ENPP2: variants seen among roughly 807,000 people sequenced by gnomAD.
The protein encoded by ENPP2 is autotaxin.
In ENPP2, 51 loss-of-function variants were observed where a neutral mutation model predicts 120.2. The observed-to-expected ratio is 0.42, with a 90% CI of 0.34 to 0.54. The LOEUF is 0.54. Among genes scored for constraint, ENPP2 ranks in the 20% least tolerant of loss-of-function variants. The pLI is 0.04. For synonymous variants in ENPP2, 365 were observed against 366.4 expected (o/e 1.00, Z 0.04); for missense variants, 920 against 1,066.5 (o/e 0.86, Z 1.91).
chr8:119,568,783 G>A (rs1056661091), intron 21 of ENPP2, among the ~76,000 whole-genome samples: 1 of 151,976 alleles, frequency 6.6e-6, no homozygotes, highest in Non-Finnish European at 1.5e-5. Flanking sequence ...AATTTTTTTA[G>A]AGACAAGGTC....
chr8:119,666,321 G>GC (rs1372773299), intron 1 of ENPP2, among the ~76,000 whole-genome samples: 1 of 151,728 alleles, frequency 6.6e-6, no homozygotes, highest in Non-Finnish European at 1.5e-5. Flanking sequence ...AAAGATTATT[G>GC]CTTCAAACAA....
chr8:119,581,388 C>T (rs1049375753), intron 18 of ENPP2, among the ~76,000 whole-genome samples: 7 of 152,032 alleles, frequency 4.6e-5, no homozygotes, highest in Non-Finnish European at 7.4e-5. Flanking sequence ...GGAGGCTGAC[C>T]TCTAGGGATG....
chr8:119,567,073 C>CT (rs1293487599), intron 22 of ENPP2, among the ~76,000 whole-genome samples: 1 of 152,216 alleles, frequency 6.6e-6, no homozygotes, highest in Non-Finnish European at 1.5e-5. Context: ...TTGAGACTCC[C>CT]TTTCAGCCCT....
chr8:119,657,798 G>A (rs535639548), intron 1 of ENPP2, among the ~76,000 whole-genome samples: 67 of 152,322 alleles, frequency 4.4e-4, no homozygotes, highest in African/African-American at 1.6e-3. Context: ...ATCCTATGGC[G>A]TGAAGGGGTC....
intron 22 of ENPP2, among the ~76,000 whole-genome samples, chr8:119,566,633 AC>A (rs1237345171): frequency 6.6e-6 from 1 of 151,884 alleles, no homozygotes; most frequent in Non-Finnish European, 1.5e-5. Flanking sequence ...TGAAAAAACC[AC>A]CCCCCTCGTG....
At chr8:119,586,964 G>A (rs1587399699) in intron 14 of ENPP2, 80 bp downstream of exon 14, 3 of 1,205,548 alleles carry the variant, frequency 2.5e-6, no homozygotes, top group East Asian at 4.7e-5. Flanking sequence ...TCCCCGCCGG[G>A]GGAGGCACAC....
upstream of ENPP2, among the ~76,000 whole-genome samples, chr8:119,642,040 A>C (rs1229861789): frequency 6.6e-6 from 1 of 152,174 alleles, no homozygotes; most frequent in African/African-American, 2.4e-5. Flanking sequence ...AACGCATAAT[A>C]TAGAGCTTTA....
At chr8:119,565,000 A>T (rs1814297070) in intron 22 of ENPP2, 45 bp from the exon 23 acceptor site, 1 of 1,580,108 alleles carries the variant, frequency 6.3e-7, no homozygotes, top group Admixed American at 1.7e-5. Context: ...CATGAAGAAA[A>T]CTCCTTACTC....
At position 119,568,202 on chromosome 8, in the gene ENPP2, T is replaced by C. The variant is rs1014740504; in HGVS notation, c.2104A>G (p.Met702Val). ...TTGAAAGCAGGATACATTGGAACCA[T>C]ATTGGTTACAAGGAATGCATCATAT... ...AKYDAFLVTNMVPMYPAFKRV... is the reference protein window; with the variant it reads ...AKYDAFLVTNVVPMYPAFKRV... Residue 702 changes from methionine (M) to valine (V), a missense_variant, in exon 22 of 25, where the codon ATG becomes GTG. Transcript: ENST00000075322. The C allele has an allele frequency of 6.3e-7, 1 of 1,592,124 alleles. No homozygotes were observed. The highest frequency in any genetic ancestry group is 8.6e-7 in the Non-Finnish European group (1 of 1,160,436).
intron 12 of ENPP2, 105 bp downstream of exon 12, chr8:119,593,647 G>T (rs888379479): frequency 2.7e-6 from 2 of 737,394 alleles, no homozygotes; most frequent in African/African-American, 3.5e-5. Flanking sequence ...GCGGGGATGA[G>T]GTTAAGAATG....
intron 9 of ENPP2, among the ~76,000 whole-genome samples, chr8:119,604,611 T>G (rs956221000): frequency 2.6e-5 from 4 of 151,324 alleles, no homozygotes; most frequent in African/African-American, 7.3e-5. Flanking sequence ...AAAGACTAAG[T>G]TAAGTATTTA....
intron 9 of ENPP2, among the ~76,000 whole-genome samples, chr8:119,607,297 A>G (rs1033742298): frequency 6.6e-6 from 1 of 152,236 alleles, no homozygotes; most frequent in Non-Finnish European, 1.5e-5. Context: ...TACATGTCCT[A>G]GATGGCAAGT....
At chr8:119,609,275 G>A (rs1389809430) in intron 8 of ENPP2, among the ~76,000 whole-genome samples, 1 of 152,134 alleles carries the variant, frequency 6.6e-6, no homozygotes, top group South Asian at 2.1e-4. Flanking sequence ...CAAACTAACA[G>A]CTACTGTAGC....
intron 3 of ENPP2, among the ~76,000 whole-genome samples, chr8:119,625,726 T>C (rs1816225200): frequency 6.6e-6 from 1 of 152,162 alleles, no homozygotes; most frequent in Admixed American, 6.6e-5. Context: ...TTACAAGATA[T>C]CTCAAAAATC....
chr8:119,565,658 C>G (rs1265060779), intron 22 of ENPP2, among the ~76,000 whole-genome samples: 1 of 152,136 alleles, frequency 6.6e-6, no homozygotes, highest in Non-Finnish European at 1.5e-5. Flanking sequence ...CAAAGTACAT[C>G]CCAATTATCC....
At chr8:119,638,870 TATA>T, upstream of ENPP2, 2 of 1,550,284 alleles carry the variant, frequency 1.3e-6, no homozygotes, top group Non-Finnish European at 1.8e-6. Context: ...GTCTATTAAC[TATA>T]AGCAATCCCA....
chr8:119,610,534 G>A (rs16892861), intron 8 of ENPP2, among the ~76,000 whole-genome samples: 1 of 151,496 alleles, frequency 6.6e-6, no homozygotes, highest in Non-Finnish European at 1.5e-5. Context: ...CCGGTTCCTT[G>A]TTAATTCAGA....
chr8:119,618,461 T>C (rs1815633059), intron 5 of ENPP2: 1 of 410,228 alleles, frequency 2.4e-6, no homozygotes, highest in Non-Finnish European at 4.8e-6. Context: ...CTTGCCTTTT[T>C]CAACATCACC....
intron 1 of ENPP2, among the ~76,000 whole-genome samples, chr8:119,644,791 T>G (rs1817395297): frequency 6.6e-6 from 1 of 151,450 alleles, no homozygotes; most frequent in South Asian, 2.1e-4. Flanking sequence ...TAGCTCATAA[T>G]AAAACATTTT....
Sources: allele counts gnomAD v4.1 joint callset (sites outside exome capture counted in the v4.1 genomes callset), GRCh38; gene constraint gnomAD v4.1.1; transcripts MANE v1.5; gene names NCBI Gene and HGNC (gene_info 2026-07-23, HGNC 2026-07-21).